The following CCDC68 variants were observed in gnomAD, a reference collection of about 807,000 sequenced individuals.
CCDC68 encodes the protein coiled-coil domain-containing protein 68.
In CCDC68, 45 loss-of-function variants were observed where a neutral mutation model predicts 47.1. The ratio of observed to expected loss-of-function variants is 0.96; its 90% CI spans 0.75 to 1.23. The LOEUF is 1.23. Among genes scored for constraint, CCDC68 ranks in the 50% most tolerant of loss-of-function variants. The pLI, the probability that CCDC68 is intolerant of heterozygous loss-of-function variation, is 0.00. For synonymous variants in CCDC68, 131 were observed against 129.5 expected (o/e 1.01, Z -0.08); for missense variants, 353 against 373.6 (o/e 0.94, Z 0.45).
chr18:54,941,807 T>C (rs1223811152), intron 3 of CCDC68, among the ~76,000 whole-genome samples: 1 of 152,160 alleles, frequency 6.6e-6, no homozygotes, highest in Non-Finnish European at 1.5e-5. Context: ...ATTATTATAA[T>C]TTTTTTGAGA....
chr18:54,925,896 T>C (rs139894623), intron 8 of CCDC68, among the ~76,000 whole-genome samples: 75 of 152,316 alleles, frequency 4.9e-4, no homozygotes, highest in African/African-American at 1.7e-3. Flanking sequence ...TGGATGTAGG[T>C]GTAGCCCTGT....
At position 54,937,982 on chromosome 18, in the gene CCDC68, T is replaced by G; in HGVS notation, c.320A>C (p.Lys107Thr). The G allele has an allele frequency of 6.2e-7, 1 of 1,611,978 alleles. No homozygotes were observed. Among genetic ancestry groups the G allele is most frequent in the South Asian group, 1.1e-5 (1 of 90,544 alleles). Residue 107 changes from lysine (K) to threonine (T), a missense_variant, in exon 5 of 12, where the codon AAA becomes ACA. Lys to Thr is a moderately conservative substitution (Grantham distance 78). Coordinates refer to ENST00000591504, the MANE Select transcript of CCDC68 (RefSeq NM_025214.3). ...CTTGATTTTCAATACTTCATTCTCT[T>G]TGTTCATTTCTAAGAGCTGTAGGTC... The part of the protein sequence containing the change: ...GKDLQLLEMN[K>T]ENEVLKIKLQ...
Position 54,909,729 on chromosome 18 carries a change from C to T in CCDC68, c.874-1867G>A, listed in dbSNP as rs151151712. 1.1e-3 allele frequency among the ~76,000 whole-genome samples: 170 copies of T among 152,334 alleles called. 2 individuals are homozygous for T. The East Asian group carries it at 0.029, about 26-fold the overall frequency. On this transcript the variant is annotated intron_variant, in intron 10 of 11. Coordinates refer to ENST00000591504, the MANE Select transcript of CCDC68 (RefSeq NM_025214.3). ...GGTACTGGCATGGGTGCTGGCTCTG[C>T]GAGGCTGCGGCTAGACCAGGTGCAC...
chr18:54,909,738 G>A (rs534118745), intron 10 of CCDC68, among the ~76,000 whole-genome samples: 6 of 152,336 alleles, frequency 3.9e-5, no homozygotes, highest in Admixed American at 2.0e-4. Flanking sequence ...GCGAGGCTGC[G>A]GCTAGACCAG....
intron 1 of CCDC68, among the ~76,000 whole-genome samples, chr18:54,950,666 T>C (rs1267723231): frequency 6.6e-6 from 1 of 152,072 alleles, no homozygotes; most frequent in Non-Finnish European, 1.5e-5. Flanking sequence ...AAATGAAATA[T>C]TTGTGTAAAC....
In CCDC68 at chr18:54,938,075, C is replaced by A. The variant is rs1457282471; in HGVS notation, c.227G>T (p.Gly76Val). ...AGAAGGATCCATTTCAGAATCAGAG[C>A]CCTGTTGAAGGTTTCCACAGTGCTG... Reference protein sequence around the residue: ...DAKHCGNLQQGSDSEMDPSCC... With the variant: ...DAKHCGNLQQVSDSEMDPSCC... The change falls in exon 5 of 12, where the codon GGC becomes GTC. Residue 76 changes from glycine (G) to valine (V), a missense_variant. Coordinates refer to ENST00000591504, the MANE Select transcript of CCDC68 (RefSeq NM_025214.3). The A allele has an allele frequency of 6.2e-7, 1 of 1,613,400 alleles. No homozygotes were observed. Among genetic ancestry groups the A allele is most frequent in the African/African-American group, 1.3e-5 (1 of 74,884 alleles).
At chr18:54,932,976 AAT>A (rs2044288802) in intron 7 of CCDC68, among the ~76,000 whole-genome samples, 1 of 152,218 alleles carries the variant, frequency 6.6e-6, no homozygotes, top group African/African-American at 2.4e-5. Flanking sequence ...GTGGTGTTCA[AAT>A]ATTTGTTTAG....
chr18:54,951,381 TTTG>T (rs2145643323), intron 1 of CCDC68, among the ~76,000 whole-genome samples: 1 of 152,268 alleles, frequency 6.6e-6, no homozygotes. Context: ...GGGGCCAGGA[TTTG>T]TTAAGTGAGG....
At chr18:54,907,913 T>C (rs762952972) in intron 10 of CCDC68, 51 bp from the exon 11 acceptor site, 11 of 1,022,302 alleles carry the variant, frequency 1.1e-5, no homozygotes, top group Non-Finnish European at 1.7e-5. Context: ...ATTTATTAGC[T>C]ACACCCTCAA....
chr18:54,958,430 A>G (rs1485208905), intron 1 of CCDC68, among the ~76,000 whole-genome samples: 1 of 152,220 alleles, frequency 6.6e-6, no homozygotes, highest in Non-Finnish European at 1.5e-5. Context: ...GTAAAATCAA[A>G]AGAACAGATT....
chr18:54,909,468 T>C (rs1009543268), intron 10 of CCDC68, among the ~76,000 whole-genome samples: 2 of 151,848 alleles, frequency 1.3e-5, no homozygotes, highest in African/African-American at 4.8e-5. Context: ...CAAGGTGTCA[T>C]TTTTCTGGCC....
chr18:54,938,824 T>G (rs1447609539), intron 4 of CCDC68, among the ~76,000 whole-genome samples: 1 of 152,256 alleles, frequency 6.6e-6, no homozygotes, highest in African/African-American at 2.4e-5. Flanking sequence ...ATTTCAAAAC[T>G]GAGAAATGAT....
intron 3 of CCDC68, among the ~76,000 whole-genome samples, chr18:54,942,325 C>T (rs1013502834): frequency 2.0e-5 from 3 of 151,826 alleles, no homozygotes; most frequent in Admixed American, 6.6e-5. Context: ...CTTGGGAACA[C>T]GATCAACACT....
intron 8 of CCDC68, among the ~76,000 whole-genome samples, chr18:54,925,455 T>C (rs1361728405): frequency 6.6e-6 from 1 of 152,164 alleles, no homozygotes; most frequent in Admixed American, 6.5e-5. Flanking sequence ...CAAGGATTCA[T>C]GTAGTAAGAT....
At chr18:54,933,890 A>T (rs1312756280) in intron 7 of CCDC68, among the ~76,000 whole-genome samples, 1 of 152,244 alleles carries the variant, frequency 6.6e-6, no homozygotes, top group Non-Finnish European at 1.5e-5. Flanking sequence ...AATTCTTGGG[A>T]AACATTTTTA....
chr18:54,946,552 GA>G (rs1291698512), intron 1 of CCDC68, among the ~76,000 whole-genome samples: 4 of 152,178 alleles, frequency 2.6e-5, no homozygotes, highest in Non-Finnish European at 5.9e-5. Context: ...TTTATCATAG[GA>G]ATGAATCGCT....
intron 5 of CCDC68, 121 bp downstream of exon 5, chr18:54,937,836 C>T (rs1353685772): frequency 3.1e-6 from 2 of 647,444 alleles, no homozygotes; most frequent in South Asian, 3.6e-5. Flanking sequence ...AGTGAGCATG[C>T]AGATGGACCT....
At chr18:54,944,908 GACC>G (rs1374388142) in intron 2 of CCDC68, among the ~76,000 whole-genome samples, 3 of 152,104 alleles carry the variant, frequency 2.0e-5, no homozygotes, top group Non-Finnish European at 2.9e-5. Flanking sequence ...AGAGATACAG[GACC>G]AAATGCAACA....
At chr18:54,911,637 A>G (rs1476987924) in intron 10 of CCDC68, among the ~76,000 whole-genome samples, 3 of 152,140 alleles carry the variant, frequency 2.0e-5, no homozygotes, top group Non-Finnish European at 4.4e-5. Flanking sequence ...GGCACATATT[A>G]TAGGCCAAGC....
Sources: gnomAD v4.1 joint callset for allele counts (sites outside exome capture counted in the v4.1 genomes callset) on GRCh38, gnomAD v4.1.1 for gene constraint, MANE v1.5 for transcripts, NCBI Gene and HGNC (gene_info 2026-07-23, HGNC 2026-07-21) for gene names.